The following CCDC192 variants were observed in gnomAD, a reference collection of about 807,000 sequenced individuals.
CCDC192 encodes the protein coiled-coil domain-containing protein 192.
intron 2 of CCDC192, among the ~76,000 whole-genome samples, chr5:127,719,856 T>C (rs1418093054): frequency 6.6e-6 from 1 of 151,510 alleles, no homozygotes; most frequent in Non-Finnish European, 1.5e-5. Flanking sequence ...CACATGCTTT[T>C]TAAACCACCA....
At chr5:127,882,429 C>T (rs902731685) in intron 6 of CCDC192, among the ~76,000 whole-genome samples, 1 of 152,118 alleles carries the variant, frequency 6.6e-6, no homozygotes, top group African/African-American at 2.4e-5. Context: ...TTTTACCTCT[C>T]CACCTGTGAA....
At chr5:127,870,157 G>C (rs1035555067) in intron 5 of CCDC192, among the ~76,000 whole-genome samples, 3 of 152,160 alleles carry the variant, frequency 2.0e-5, no homozygotes, top group Non-Finnish European at 4.4e-5. Flanking sequence ...CAACAGAATG[G>C]TCACAATAAC....
chr5:127,853,733 A>G (rs1005500815), intron 5 of CCDC192, among the ~76,000 whole-genome samples: 3 of 152,228 alleles, frequency 2.0e-5, no homozygotes, highest in Non-Finnish European at 4.4e-5. Flanking sequence ...AGATCACACC[A>G]CTGCACTTCA....
At chr5:127,731,369 C>T (rs1304332644) in intron 2 of CCDC192, among the ~76,000 whole-genome samples, 2 of 151,992 alleles carry the variant, frequency 1.3e-5, no homozygotes, top group Admixed American at 1.3e-4. Context: ...TCAGAGAGGA[C>T]ACAAACAAAT....
chr5:127,925,467 T>G (rs1325742294), intron 6 of CCDC192, among the ~76,000 whole-genome samples: 1 of 152,224 alleles, frequency 6.6e-6, no homozygotes, highest in Non-Finnish European at 1.5e-5. Flanking sequence ...CGGGGCATTT[T>G]TATGCTGCCA....
intron 5 of CCDC192, among the ~76,000 whole-genome samples, chr5:127,803,519 G>A (rs955909192): frequency 1.3e-5 from 2 of 152,180 alleles, no homozygotes; most frequent in Non-Finnish European, 2.9e-5. Flanking sequence ...TTTGAGTCAG[G>A]ACTAGGTATC....
At chr5:127,845,005 A>G (rs1320164327) in intron 5 of CCDC192, among the ~76,000 whole-genome samples, 1 of 152,242 alleles carries the variant, frequency 6.6e-6, no homozygotes, top group African/African-American at 2.4e-5. Context: ...GCAAGATTGC[A>G]CTGCTAGTCT....
intron 2 of CCDC192, among the ~76,000 whole-genome samples, chr5:127,726,459 G>A: frequency 6.6e-6 from 1 of 152,066 alleles, no homozygotes; most frequent in East Asian, 1.9e-4. Flanking sequence ...ACTTTCTCTG[G>A]TAGCCCCAGT....
At chr5:127,761,301 T>C (rs889291025) in intron 3 of CCDC192, among the ~76,000 whole-genome samples, 1 of 152,192 alleles carries the variant, frequency 6.6e-6, no homozygotes, top group Non-Finnish European at 1.5e-5. Flanking sequence ...GTAAACAAGA[T>C]TGATAAGACC....
intron 5 of CCDC192, among the ~76,000 whole-genome samples, chr5:127,848,414 C>A (rs1481186793): frequency 6.6e-6 from 1 of 152,204 alleles, no homozygotes; most frequent in Admixed American, 6.5e-5. Flanking sequence ...TACCTGATAT[C>A]CATTGGCTAT....
intron 3 of CCDC192, among the ~76,000 whole-genome samples, chr5:127,769,990 G>A (rs1755455437): frequency 6.6e-6 from 1 of 152,128 alleles, no homozygotes; most frequent in African/African-American, 2.4e-5. Flanking sequence ...GAGAGAATGG[G>A]CAAAGAGCCA....
chr5:127,923,024 C>T (rs938079237), intron 6 of CCDC192, among the ~76,000 whole-genome samples: 11 of 152,296 alleles, frequency 7.2e-5, no homozygotes, highest in African/African-American at 2.6e-4. Context: ...GAAGCTGGCA[C>T]TGTAAAGGGA....
intron 2 of CCDC192, among the ~76,000 whole-genome samples, chr5:127,738,363 A>AT (rs1226338097): frequency 3.2e-5 from 4 of 124,080 alleles, no homozygotes; most frequent in African/African-American, 6.5e-5. Flanking sequence ...TGCCCTTAAC[A>AT]TTTTTTCCTT....
At chr5:127,849,679 T>C (rs1750714389) in intron 5 of CCDC192, among the ~76,000 whole-genome samples, 1 of 152,178 alleles carries the variant, frequency 6.6e-6, no homozygotes, top group African/African-American at 2.4e-5. Flanking sequence ...TAGAGATTTG[T>C]AAGGCTCATA....
At chr5:127,777,611 T>A (rs1428290233) in intron 3 of CCDC192, among the ~76,000 whole-genome samples, 1 of 152,180 alleles carries the variant, frequency 6.6e-6, no homozygotes, top group Non-Finnish European at 1.5e-5. Context: ...ATGGTTTGAC[T>A]GTGTCCCCAC....
At chr5:127,934,960 CA>C (rs1372616268) in intron 6 of CCDC192, among the ~76,000 whole-genome samples, 3 of 152,162 alleles carry the variant, frequency 2.0e-5, no homozygotes, top group Non-Finnish European at 4.4e-5. Context: ...TCTTTTAATC[CA>C]AACAGCAATC....
rs1428520600 is a variant in CCDC192 at position 127,776,661 on chromosome 5, T to C, written c.223-20442T>C. On this transcript the variant is annotated intron_variant, in intron 3 of 6. Transcript: ENST00000514853. ...CCCTTCCATCACACGCATGGAGGCC[T>C]GGGAGGAAAAAATGGTTTCATGGAC... Among the ~76,000 whole-genome samples, 7 of 152,274 alleles carry C rather than the reference T, an allele frequency of 4.6e-5. No homozygotes were observed. The East Asian group carries it at 5.8e-4, about 13-fold the overall frequency.
At chr5:127,896,711 G>T (rs1391386979) in intron 6 of CCDC192, among the ~76,000 whole-genome samples, 7 of 152,144 alleles carry the variant, frequency 4.6e-5, no homozygotes, top group East Asian at 1.9e-4. Flanking sequence ...CTCCCTAAGT[G>T]TTGGGATTAC....
chr5:127,752,775 C>T (rs1039798387), intron 2 of CCDC192, among the ~76,000 whole-genome samples: 4 of 152,168 alleles, frequency 2.6e-5, no homozygotes, highest in African/African-American at 7.2e-5. Context: ...ACTCCGTGGG[C>T]GTAGGACCCT....
Sources: allele counts gnomAD v4.1 joint callset (sites outside exome capture counted in the v4.1 genomes callset), GRCh38; gene constraint gnomAD v4.1.1; transcripts MANE v1.5; gene names NCBI Gene and HGNC (gene_info 2026-07-23, HGNC 2026-07-21).